Variants in PDE8B observed in about 807,000 individuals in gnomAD.
The protein encoded by PDE8B is high affinity cAMP-specific and IBMX-insensitive 3',5'-cyclic phosphodiesterase 8B.
A neutral mutation model predicts 101.3 loss-of-function variants in PDE8B; 26 were observed. The observed-to-expected ratio is 0.26, with a 90% CI of 0.19 to 0.36. The LOEUF (loss-of-function observed/expected upper bound fraction) is 0.36, where lower values mean the gene tolerates loss of function less well. Among genes scored for constraint, PDE8B ranks in the 10% least tolerant of loss-of-function variants. The pLI is 1.00. For missense variants in PDE8B, 810 were observed against 1,163.1 expected, an observed-to-expected ratio of 0.70 and a Z score of 4.42; for synonymous variants, 424 against 429.3, an observed-to-expected ratio of 0.99 and a Z score of 0.15.
At chr5:77,354,820 C>T (rs1410659317) in intron 10 of PDE8B, among the ~76,000 whole-genome samples, 1 of 152,222 alleles carries the variant, frequency 6.6e-6, no homozygotes, top group Non-Finnish European at 1.5e-5. Flanking sequence ...CTCCCTGCAA[C>T]TCCATGTGCC....
the PDE8B span, among the ~76,000 whole-genome samples, chr5:77,205,075 C>T: frequency 1.3e-5 from 2 of 152,124 alleles, no homozygotes; most frequent in African/African-American, 4.8e-5. Flanking sequence ...TAATCCAGCC[C>T]CTCCCTGTGG....
Position 77,226,988 on chromosome 5 carries a change from C to T in PDE8B, c.339+15724C>T, listed in dbSNP as rs144715418. Among the ~76,000 whole-genome samples the T allele has an allele frequency of 3.8e-3, 580 of 152,286 alleles. 2 individuals are homozygous for T. The highest frequency in any genetic ancestry group is 0.013 in the African/African-American group (550 of 41,564). On this transcript the variant is annotated intron_variant, in intron 1 of 21. Coordinates refer to ENST00000264917, the MANE Select transcript of PDE8B (RefSeq NM_003719.5). ...TCTGCCTTTCCACTTACATTAAAGT[C>T]CTATGCGTTTACACTGGCATTAACC...
chr5:77,409,136 C>G, intron 14 of PDE8B, 79 bp downstream of exon 14: 1 of 1,253,488 alleles, frequency 8.0e-7, no homozygotes, highest in Non-Finnish European at 1.2e-6. Flanking sequence ...AAACTGTTAC[C>G]TGTGGTTGCA....
intron 10 of PDE8B, among the ~76,000 whole-genome samples, chr5:77,365,702 G>A (rs1783992593): frequency 6.6e-6 from 1 of 152,226 alleles, no homozygotes; most frequent in South Asian, 2.1e-4. Flanking sequence ...TTGGAGCATA[G>A]CTTGGGCTTC....
intron 10 of PDE8B, among the ~76,000 whole-genome samples, chr5:77,356,751 A>G (rs1782174505): frequency 6.6e-6 from 1 of 152,126 alleles, no homozygotes; most frequent in African/African-American, 2.4e-5. Context: ...TTCTTGTTAC[A>G]TTTTTAATGT....
intron 5 of PDE8B, among the ~76,000 whole-genome samples, 187 bp downstream of exon 5, chr5:77,331,646 T>C (rs983004589): frequency 1.3e-5 from 2 of 152,186 alleles, no homozygotes; most frequent in Non-Finnish European, 2.9e-5. Flanking sequence ...CTCTTTGCGT[T>C]TTTGCTCTCT....
the PDE8B span, among the ~76,000 whole-genome samples, chr5:77,179,201 C>A: frequency 6.6e-6 from 1 of 152,222 alleles, no homozygotes; most frequent in Non-Finnish European, 1.5e-5. Flanking sequence ...TGCATTCATG[C>A]CTTTTTGTAG....
At chr5:77,259,424 C>T (rs1760023892) in intron 1 of PDE8B, among the ~76,000 whole-genome samples, 1 of 152,132 alleles carries the variant, frequency 6.6e-6, no homozygotes, top group African/African-American at 2.4e-5. Flanking sequence ...TGGTACATGC[C>T]CCAACTCTCC....
Position 77,211,277 on chromosome 5 carries a change from C to T in PDE8B, c.339+13C>T. 1 of 1,544,514 alleles carries T rather than the reference C, an allele frequency of 6.5e-7. No individual in the cohort carries two copies. Among genetic ancestry groups the T allele is most frequent in the Admixed American group, 1.9e-5 (1 of 53,184 alleles). ...CACCAGCGTGAAGGTAAATGCCCCG[C>T]GCTGGCACACGCCGTGGGGGCCGTC... On this transcript the variant is annotated intron_variant, in intron 1 of 21. Transcript: ENST00000264917. The surrounding 1 kb of genome is among the most constrained non-coding windows in gnomAD (Gnocchi z 4.1).
rs147181439 is a variant in PDE8B, at chr5:77,372,810, C to T, written c.1167+19404C>T. Among the ~76,000 whole-genome samples, 768 of 152,120 alleles carry T rather than the reference C, an allele frequency of 5.0e-3. 6 individuals are homozygous for T. Among genetic ancestry groups the T allele is most frequent in the African/African-American group, 0.018 (740 of 41,524 alleles). On this transcript the variant is annotated intron_variant, in intron 10 of 21. Coordinates refer to ENST00000264917, the MANE Select transcript of PDE8B (RefSeq NM_003719.5). ...CTGTAATCCCAGCTCTTTGGGAGGC[C>T]GAGGTTAGGAGTTTGAGACTCAGCC...
chr5:77,417,019 C>T (rs1454070528), intron 17 of PDE8B, among the ~76,000 whole-genome samples: 1 of 152,060 alleles, frequency 6.6e-6, no homozygotes, highest in Admixed American at 6.5e-5. Context: ...GTTGCCTGGA[C>T]AATTCCTGCT....
At chr5:77,363,966 G>A (rs1270996131) in intron 10 of PDE8B, among the ~76,000 whole-genome samples, 1 of 152,152 alleles carries the variant, frequency 6.6e-6, no homozygotes, top group African/African-American at 2.4e-5. Flanking sequence ...GGGTGTTTGG[G>A]CTGAAGTAGA....
the PDE8B span, among the ~76,000 whole-genome samples, chr5:77,190,980 A>G: frequency 1.3e-5 from 2 of 152,202 alleles, no homozygotes; most frequent in Admixed American, 6.5e-5. Flanking sequence ...CTCACAGTTC[A>G]GAAGGTTAGA....
the PDE8B span, among the ~76,000 whole-genome samples, chr5:77,192,473 T>A: frequency 0.06 from 9,127 of 152,294 alleles, 943 homozygotes; most frequent in African/African-American, 0.2. Flanking sequence ...ATAAGGATTT[T>A]GATTCATACA....
the PDE8B span, among the ~76,000 whole-genome samples, chr5:77,091,925 C>A: frequency 6.6e-6 from 1 of 152,166 alleles, no homozygotes; most frequent in Admixed American, 6.6e-5. Flanking sequence ...TAAGCCTAAG[C>A]AGGAGTCTGG....
intron 10 of PDE8B, among the ~76,000 whole-genome samples, chr5:77,369,875 C>T (rs1369963343): frequency 6.6e-6 from 1 of 152,228 alleles, no homozygotes; most frequent in African/African-American, 2.4e-5. Context: ...AGCTCACCCT[C>T]AGTTCACATT....
intron 1 of PDE8B, among the ~76,000 whole-genome samples, chr5:77,299,811 T>A (rs533158336): frequency 1.1e-3 from 162 of 152,266 alleles, no homozygotes; most frequent in African/African-American, 3.6e-3. Context: ...CTGGGTCAAA[T>A]GGTATTTCTA....
chr5:77,308,211 G>A (rs754742022), intron 1 of PDE8B, among the ~76,000 whole-genome samples: 1 of 152,118 alleles, frequency 6.6e-6, no homozygotes, highest in Non-Finnish European at 1.5e-5. Context: ...TGGGACAGTT[G>A]ACCTCTTTTG....
At chr5:77,307,004 T>C (rs1238242021) in intron 1 of PDE8B, among the ~76,000 whole-genome samples, 1 of 152,212 alleles carries the variant, frequency 6.6e-6, no homozygotes, top group African/African-American at 2.4e-5. Flanking sequence ...AGCCAATGTT[T>C]GATTTTCCCA....
Sources: allele counts gnomAD v4.1 joint callset (sites outside exome capture counted in the v4.1 genomes callset), GRCh38; gene constraint gnomAD v4.1.1; non-coding constraint Gnocchi (gnomAD v3.1); transcripts MANE v1.5; gene names NCBI Gene and HGNC (gene_info 2026-07-23, HGNC 2026-07-21).